DAPK1: variants seen among roughly 807,000 people sequenced by gnomAD.
The protein encoded by DAPK1 is death-associated protein kinase 1.
Under a neutral mutation model 144.9 loss-of-function variants are expected in DAPK1, and 56 were observed. The observed-to-expected ratio is 0.39, with a 90% CI of 0.31 to 0.48. The LOEUF (loss-of-function observed/expected upper bound fraction) is 0.48, where lower values mean the gene tolerates loss of function less well. Among genes scored for constraint, DAPK1 ranks in the 20% least tolerant of loss-of-function variants. The probability of loss-of-function intolerance (pLI) is 0.95; values close to 1 mark genes in which losing one functional copy is unlikely to be tolerated. For synonymous variants in DAPK1, 690 were observed against 749.0 expected, an observed-to-expected ratio of 0.92 and a Z score of 1.29; for missense variants, 1,454 against 1,875.4, an observed-to-expected ratio of 0.78 and a Z score of 4.15.
intron 2 of DAPK1, among the ~76,000 whole-genome samples, chr9:87,554,660 A>G (rs554844177): frequency 1.3e-5 from 2 of 152,190 alleles, no homozygotes; most frequent in South Asian, 4.1e-4. Flanking sequence ...AGTTGCTCCT[A>G]TAGTCAGGAG....
intron 9 of DAPK1, 104 bp from the exon 10 acceptor site, chr9:87,641,865 G>A: frequency 2.4e-6 from 2 of 836,474 alleles, no homozygotes; most frequent in Non-Finnish European, 3.8e-6. Context: ...TTAATAAGGT[G>A]AATGTGTAAG....
At chr9:87,571,988 C>A (rs2118753688) in intron 2 of DAPK1, among the ~76,000 whole-genome samples, 1 of 152,250 alleles carries the variant, frequency 6.6e-6, no homozygotes, top group East Asian at 1.9e-4. Flanking sequence ...TCAGCCAAGG[C>A]CACCTTTTAA....
chr9:87,697,313 C>A, intron 22 of DAPK1, 109 bp downstream of exon 22: 1 of 679,640 alleles, frequency 1.5e-6, no homozygotes. Context: ...GCTGGCCTTG[C>A]ACCAGGCCAT....
intron 19 of DAPK1, among the ~76,000 whole-genome samples, chr9:87,679,526 C>T (rs181424247): frequency 4.6e-5 from 7 of 152,204 alleles, no homozygotes; most frequent in African/African-American, 9.6e-5. Flanking sequence ...AGCAGGTTCC[C>T]TTGGGTGCAC....
At chr9:87,526,551 A>T (rs1407223105) in intron 2 of DAPK1, among the ~76,000 whole-genome samples, 1 of 152,248 alleles carries the variant, frequency 6.6e-6, no homozygotes, top group Non-Finnish European at 1.5e-5. Context: ...CACCAACTGA[A>T]TGACATTTGG....
chr9:87,551,937 G>A (rs547145039), intron 2 of DAPK1, among the ~76,000 whole-genome samples: 5 of 152,256 alleles, frequency 3.3e-5, no homozygotes, highest in East Asian at 1.9e-4. Flanking sequence ...GTGGGCAGCC[G>A]GAATCTAGAT....
intron 3 of DAPK1, among the ~76,000 whole-genome samples, chr9:87,613,465 T>A (rs946596251): frequency 3.3e-5 from 5 of 152,230 alleles, no homozygotes; most frequent in African/African-American, 1.2e-4. Flanking sequence ...CAATATTAGG[T>A]CACTTTATGT....
chr9:87,502,764 G>A (rs2118011435), intron 2 of DAPK1, among the ~76,000 whole-genome samples: 1 of 152,270 alleles, frequency 6.6e-6, no homozygotes, highest in South Asian at 2.1e-4. Flanking sequence ...CCAGTGACAT[G>A]TTTATCCTGT....
chr9:87,660,334 C>T (rs1215454503), intron 18 of DAPK1, among the ~76,000 whole-genome samples: 3 of 152,022 alleles, frequency 2.0e-5, no homozygotes, highest in Non-Finnish European at 2.9e-5. Flanking sequence ...GGGGGCGTCG[C>T]CCTCAGAAAC....
At chr9:87,650,235 T>C in intron 16 of DAPK1, 117 bp downstream of exon 16, 1 of 924,304 alleles carries the variant, frequency 1.1e-6, no homozygotes, top group Non-Finnish European at 1.7e-6. Flanking sequence ...CAAACTGTAA[T>C]TACCCCGTCT....
intron 2 of DAPK1, among the ~76,000 whole-genome samples, chr9:87,533,486 G>A: frequency 6.6e-6 from 1 of 152,224 alleles, no homozygotes; most frequent in East Asian, 1.9e-4. Flanking sequence ...CTGCTCCTGT[G>A]GGGTGCTAGC....
chr9:87,636,667 G>A (rs953752042), intron 3 of DAPK1, among the ~76,000 whole-genome samples: 1 of 152,118 alleles, frequency 6.6e-6, no homozygotes, highest in African/African-American at 2.4e-5. Flanking sequence ...CTGATCTTAT[G>A]AGCACCAATT....
intron 2 of DAPK1, among the ~76,000 whole-genome samples, chr9:87,523,879 A>G (rs1254167108): frequency 1.3e-5 from 2 of 152,088 alleles, no homozygotes; most frequent in African/African-American, 4.8e-5. Context: ...TGAGCTGGGG[A>G]GTGAAGAGCT....
Position 87,706,714 on chromosome 9 carries a change from G to A in DAPK1, c.3643G>A (p.Val1215Met). The change falls in exon 26 of 26, where the codon GTG becomes ATG. Residue 1215 changes from valine to methionine, a missense_variant. Val to Met is a conservative substitution (Grantham distance 21). This residue lies in a region of DAPK1 where 1,025 missense variants were observed against 1,237.9 expected (regional missense o/e 0.83). Transcript: ENST00000408954. This position sits in a 1 kb window ranked among gnomAD's most constrained non-coding sequence, Gnocchi z 9.0. Reference protein sequence around the residue: ...KIKCCLLLDSVCSTIENVMAT... With the variant: ...KIKCCLLLDSMCSTIENVMAT... Reference sequence around the variant, plus strand: ...CAAGTGCTGCCTGCTGCTGGACTCGGTGTGCAGCACCATTGAGAACGTCAT... The same window carrying A: ...CAAGTGCTGCCTGCTGCTGGACTCGATGTGCAGCACCATTGAGAACGTCAT... The A allele has an allele frequency of 6.2e-7, 1 of 1,612,640 alleles. No individual in the cohort carries two copies. Among genetic ancestry groups the A allele is most frequent in the Non-Finnish European group, 8.5e-7 (1 of 1,179,342 alleles).
chr9:87,499,472 A>G (rs1420273652), intron 2 of DAPK1: 1 of 374,714 alleles, frequency 2.7e-6, no homozygotes, highest in Non-Finnish European at 4.8e-6. Context: ...TATAATTGCA[A>G]TTGGAGTTAG....
chr9:87,646,123 G>A (rs779182255), intron 12 of DAPK1, 109 bp downstream of exon 12: 16 of 1,336,094 alleles, frequency 1.2e-5, no homozygotes, highest in Non-Finnish European at 1.6e-5. Context: ...CCAATTGGAA[G>A]CTCCATACTG....
intron 21 of DAPK1, among the ~76,000 whole-genome samples, chr9:87,692,930 C>T (rs1479388445): frequency 8.5e-6 from 1 of 117,540 alleles, no homozygotes; most frequent in Non-Finnish European, 1.6e-5. Context: ...GTCTGACGGG[C>T]GTTCCCTTGT....
intron 2 of DAPK1, among the ~76,000 whole-genome samples, chr9:87,590,977 A>T (rs1382191667): frequency 6.6e-6 from 1 of 152,238 alleles, no homozygotes; most frequent in Admixed American, 6.5e-5. Flanking sequence ...CATGGAGTTA[A>T]CAAACTGCGT....
At chr9:87,628,623 A>T (rs957161670) in intron 3 of DAPK1, among the ~76,000 whole-genome samples, 2 of 152,180 alleles carry the variant, frequency 1.3e-5, no homozygotes, top group Admixed American at 1.3e-4. Context: ...CACAGTGGTG[A>T]TGACGGAGCA....
Sources: allele counts gnomAD v4.1 joint callset (sites outside exome capture counted in the v4.1 genomes callset), GRCh38; gene constraint gnomAD v4.1.1; regional missense constraint gnomAD v4.1.1; non-coding constraint Gnocchi (gnomAD v3.1); transcripts MANE v1.5; gene names NCBI Gene and HGNC (gene_info 2026-07-23, HGNC 2026-07-21).